Variants in PPARG observed in about 807,000 individuals in gnomAD.
PPARG encodes the protein peroxisome proliferator activated receptor gamma, also known as peroxisome proliferator-activated receptor gamma.
PPARG carries 17 observed loss-of-function variants against 39.2 expected under a neutral mutation model. The ratio of observed to expected loss-of-function variants is 0.43; its 90% CI spans 0.30 to 0.65. The LOEUF is 0.65. Ranked by LOEUF, PPARG falls within the 30% of genes least tolerant of loss-of-function variation. The pLI, the probability that PPARG is intolerant of heterozygous loss-of-function variation, is 0.13. For missense variants in PPARG, 406 were observed against 585.9 expected, an observed-to-expected ratio of 0.69 and a Z score of 3.17; for synonymous variants, 223 against 215.7, an observed-to-expected ratio of 1.03 and a Z score of -0.30.
At chr3:12,413,301 G>C (rs1397605340) in intron 6 of PPARG, among the ~76,000 whole-genome samples, 1 of 152,204 alleles carries the variant, frequency 6.6e-6, no homozygotes, top group African/African-American at 2.4e-5. Flanking sequence ...TGGTTGCAAA[G>C]AAAGGCAGAC....
At chr3:12,390,633 C>T (rs58996970) in intron 4 of PPARG, among the ~76,000 whole-genome samples, 4,036 of 106,100 alleles carry the variant, frequency 0.038, 224 homozygotes, top group East Asian at 0.29. Flanking sequence ...GCTGTATTTT[C>T]TTCCTTTTTT....
chr3:12,411,224 T>C (rs1424808361), intron 6 of PPARG, among the ~76,000 whole-genome samples: 2 of 152,178 alleles, frequency 1.3e-5, no homozygotes, highest in East Asian at 1.9e-4. Context: ...ATGGCTGGAC[T>C]CAGTTGGCCA....
At chr3:12,384,635 C>A (rs1167926089) in intron 4 of PPARG, among the ~76,000 whole-genome samples, 2 of 152,136 alleles carry the variant, frequency 1.3e-5, no homozygotes, top group South Asian at 2.1e-4. Flanking sequence ...AAGTATACAT[C>A]AGCAGTTCCC....
At chr3:12,429,903 A>T (rs2051597626) in intron 7 of PPARG, among the ~76,000 whole-genome samples, 1 of 152,236 alleles carries the variant, frequency 6.6e-6, no homozygotes, top group African/African-American at 2.4e-5. Context: ...CCTTCTCAGA[A>T]TCTGAGATCT....
At chr3:12,320,985 G>A (rs2047526073) in intron 2 of PPARG, among the ~76,000 whole-genome samples, 1 of 152,190 alleles carries the variant, frequency 6.6e-6, no homozygotes, top group South Asian at 2.1e-4. Context: ...TAATATTTTT[G>A]TTTGGGAAAA....
At chr3:12,419,962 G>A (rs962865729) in intron 7 of PPARG, among the ~76,000 whole-genome samples, 28 of 152,052 alleles carry the variant, frequency 1.8e-4, no homozygotes, top group African/African-American at 6.5e-4. Flanking sequence ...AGTATTACAT[G>A]GTCATTTTAT....
intron 7 of PPARG, among the ~76,000 whole-genome samples, chr3:12,418,256 A>G (rs1210765161): frequency 6.6e-6 from 1 of 152,164 alleles, no homozygotes; most frequent in Non-Finnish European, 1.5e-5. Flanking sequence ...GGCATAAGCC[A>G]CCACGCACAA....
chr3:12,426,853 C>T (rs531547543), intron 7 of PPARG, among the ~76,000 whole-genome samples: 1 of 152,182 alleles, frequency 6.6e-6, no homozygotes, highest in African/African-American at 2.4e-5. Flanking sequence ...GGTTAAGGAA[C>T]TTGCCCAAGG....
chr3:12,394,925 T>G (rs145537249), intron 5 of PPARG, among the ~76,000 whole-genome samples: 22 of 152,320 alleles, frequency 1.4e-4, no homozygotes, highest in Admixed American at 5.2e-4. Context: ...CCAGCTGTTT[T>G]CAGTATGCGC....
chr3:12,308,427 G>A (rs766259089), intron 1 of PPARG, among the ~76,000 whole-genome samples: 2 of 151,632 alleles, frequency 1.3e-5, no homozygotes, highest in Non-Finnish European at 2.9e-5. Context: ...GTGGAGGATG[G>A]GCAAAATATC....
intron 6 of PPARG, among the ~76,000 whole-genome samples, chr3:12,412,669 G>A (rs2050916397): frequency 6.6e-6 from 1 of 152,126 alleles, no homozygotes; most frequent in South Asian, 2.1e-4. Flanking sequence ...GATTCACCAT[G>A]AAGCTAATGA....
intron 2 of PPARG, among the ~76,000 whole-genome samples, chr3:12,350,349 G>C (rs1356267155): frequency 6.6e-6 from 1 of 152,036 alleles, no homozygotes; most frequent in Non-Finnish European, 1.5e-5. Context: ...TCCCCATCAG[G>C]CTCTTGCACC....
chr3:12,394,657 A>G (rs2050194694), intron 5 of PPARG, among the ~76,000 whole-genome samples: 1 of 152,240 alleles, frequency 6.6e-6, no homozygotes, highest in Non-Finnish European at 1.5e-5. Context: ...AATTGCAAAC[A>G]TAACTAAGAA....
At chr3:12,320,222 A>C (rs1373208435) in intron 2 of PPARG, among the ~76,000 whole-genome samples, 1 of 152,156 alleles carries the variant, frequency 6.6e-6, no homozygotes, top group African/African-American at 2.4e-5. Flanking sequence ...ATATACGTGC[A>C]TATATATATG....
chr3:12,296,223 C>G (rs1184963795), intron 1 of PPARG, among the ~76,000 whole-genome samples: 1 of 135,226 alleles, frequency 7.4e-6, no homozygotes, highest in African/African-American at 2.8e-5. Context: ...CCACTGCACT[C>G]TAGCCTGGGC....
At chr3:12,411,953 A>G (rs555428661) in intron 6 of PPARG, among the ~76,000 whole-genome samples, 3 of 152,346 alleles carry the variant, frequency 2.0e-5, no homozygotes, top group African/African-American at 7.2e-5. Flanking sequence ...GGTAAAACTA[A>G]GAACATCAGG....
intron 7 of PPARG, among the ~76,000 whole-genome samples, chr3:12,422,217 C>T (rs528157830): frequency 3.3e-5 from 5 of 152,314 alleles, no homozygotes; most frequent in African/African-American, 7.2e-5. Context: ...GCCTACCATT[C>T]GTTGAAAGCT....
intron 2 of PPARG, among the ~76,000 whole-genome samples, chr3:12,332,457 C>A (rs1462189759): frequency 6.6e-6 from 1 of 152,200 alleles, no homozygotes; most frequent in Non-Finnish European, 1.5e-5. Context: ...ACTGCCTTTT[C>A]TCCCTTAGCA....
At chr3:12,287,670 C>T (rs1466685411), upstream of PPARG, 1 of 168 alleles carries the variant, frequency 6.0e-3, no homozygotes, top group Non-Finnish European at 8.3e-3. Flanking sequence ...GAGCAAACGA[C>T]ACCAGGTAGC....
Sources: allele counts gnomAD v4.1 joint callset (sites outside exome capture counted in the v4.1 genomes callset), GRCh38; gene constraint gnomAD v4.1.1; transcripts MANE v1.5; gene names NCBI Gene and HGNC (gene_info 2026-07-23, HGNC 2026-07-21).